The following TMEM131 variants were observed in gnomAD, a reference collection of about 807,000 sequenced individuals.
TMEM131 encodes the protein transmembrane protein 131.
Under a neutral mutation model 211.6 loss-of-function variants are expected in TMEM131, and 66 were observed. The observed-to-expected ratio is 0.31, with a 90% CI of 0.26 to 0.38. The LOEUF (loss-of-function observed/expected upper bound fraction) is 0.38. TMEM131 is among the 10% of genes least tolerant of loss of function. The pLI, the probability that TMEM131 is intolerant of heterozygous loss-of-function variation, is 1.00. For synonymous variants in TMEM131, 844 were observed against 841.3 expected, an observed-to-expected ratio of 1.00 and a Z score of -0.06; for missense variants, 2,036 against 2,299.3, an observed-to-expected ratio of 0.89 and a Z score of 2.34.
intron 8 of TMEM131, among the ~76,000 whole-genome samples, chr2:97,836,080 C>T (rs543858669): frequency 6.6e-6 from 1 of 152,228 alleles, no homozygotes; most frequent in Admixed American, 6.5e-5. Context: ...GATGATTTTT[C>T]CCTCAAACAC....
intron 26 of TMEM131, 47 bp downstream of exon 26, chr2:97,797,318 C>A (rs2305143): frequency 5.1e-5 from 76 of 1,501,238 alleles, no homozygotes; most frequent in Non-Finnish European, 6.5e-5. Flanking sequence ...GTGAGGACTT[C>A]TAAGTAAGTA....
chr2:97,893,701 T>C (rs921994440), intron 3 of TMEM131, among the ~76,000 whole-genome samples: 2 of 151,508 alleles, frequency 1.3e-5, no homozygotes, highest in Admixed American at 1.3e-4. Flanking sequence ...TTTTGAGAAG[T>C]GTCTGTTCAT....
chr2:97,816,139 G>C (rs899038619), intron 12 of TMEM131, among the ~76,000 whole-genome samples: 2 of 152,072 alleles, frequency 1.3e-5, no homozygotes, highest in African/African-American at 4.8e-5. Context: ...TCAGGAGTTC[G>C]AGACAAACCT....
chr2:97,861,711 C>T (rs1349577053), intron 4 of TMEM131, among the ~76,000 whole-genome samples: 1 of 152,002 alleles, frequency 6.6e-6, no homozygotes, highest in African/African-American at 2.4e-5. Flanking sequence ...GACAACAGAA[C>T]ACTAGGTAGA....
intron 2 of TMEM131, among the ~76,000 whole-genome samples, chr2:97,913,740 T>C (rs1176928693): frequency 6.6e-6 from 1 of 152,224 alleles, no homozygotes; most frequent in Admixed American, 6.5e-5. Flanking sequence ...GCACACGGCA[T>C]GGATGCTTAG....
intron 3 of TMEM131, among the ~76,000 whole-genome samples, chr2:97,891,796 A>G (rs111391837): frequency 6.6e-6 from 1 of 152,096 alleles, no homozygotes; most frequent in African/African-American, 2.4e-5. Context: ...AACACCTACA[A>G]TGTTTGTGGA....
chr2:97,981,313 T>C (rs190023091), intron 1 of TMEM131, among the ~76,000 whole-genome samples: 9 of 152,314 alleles, frequency 5.9e-5, no homozygotes, highest in Non-Finnish European at 1.2e-4. Context: ...CTTATATATA[T>C]GTATTTGTAT....
At position 97,792,546 on chromosome 2, in the gene TMEM131, G is replaced by A. The variant is rs779816743; in HGVS notation, c.3984C>T (p.His1328=). 1 of 1,613,520 alleles carries A rather than the reference G, an allele frequency of 6.2e-7. No individual in the cohort carries two copies. The highest frequency in any genetic ancestry group is 1.3e-5 in the African/African-American group (1 of 75,048). ...PERLSPAPLA[H]PSHPERASSA... is the part of the protein sequence containing the mutation. Reference sequence around the variant, plus strand: ...TGCTGGCACGTTCTGGGTGGGAAGGGTGTGCGAGGGGGGCGGGAGACAGCC... The same window carrying A: ...TGCTGGCACGTTCTGGGTGGGAAGGATGTGCGAGGGGGGCGGGAGACAGCC... Residue 1328 remains histidine, a synonymous_variant, in exon 31 of 41, where the codon CAC becomes CAT. Transcript: ENST00000186436.
chr2:97,797,361 C>G lies in TMEM131; in HGVS notation c.2870+4G>C. On this transcript the variant is annotated splice_donor_region_variant and intron_variant, in intron 26 of 40. Transcript: ENST00000186436. ...TGAACCCACACCTATATCACAGAACCTACCTGACTATGATAAGTGAAGAAA... is the reference window on the plus strand; with the variant it reads ...TGAACCCACACCTATATCACAGAACGTACCTGACTATGATAAGTGAAGAAA... 1.3e-6 allele frequency: 2 copies of G among 1,597,458 alleles called. No individual in the cohort carries two copies. Among genetic ancestry groups the G allele is most frequent in the Non-Finnish European group, 1.7e-6 (2 of 1,173,852 alleles).
At chr2:97,886,158 A>T (rs1371159732) in intron 4 of TMEM131, among the ~76,000 whole-genome samples, 2 of 152,160 alleles carry the variant, frequency 1.3e-5, no homozygotes, top group Non-Finnish European at 2.9e-5. Flanking sequence ...TTTCTTATTC[A>T]AATCATGAAT....
intron 17 of TMEM131, among the ~76,000 whole-genome samples, chr2:97,811,826 G>A (rs1681561750): frequency 6.6e-6 from 1 of 152,190 alleles, no homozygotes; most frequent in Non-Finnish European, 1.5e-5. Flanking sequence ...CTCACAGATT[G>A]TGATTCTAAT....
intron 1 of TMEM131, among the ~76,000 whole-genome samples, chr2:97,992,326 A>C (rs1316389916): frequency 6.6e-6 from 1 of 152,154 alleles, no homozygotes; most frequent in East Asian, 1.9e-4. Flanking sequence ...ATGCTTTGTA[A>C]ATACTTTTGT....
At chr2:97,759,804 A>G in intron 38 of TMEM131, 55 bp from the exon 39 acceptor site, 1 of 1,312,432 alleles carries the variant, frequency 7.6e-7, no homozygotes, top group Non-Finnish European at 1.1e-6. Flanking sequence ...GGTTAGTGCA[A>G]ACGGATCCAT....
chr2:97,963,141 A>G (rs1453008587), intron 1 of TMEM131, among the ~76,000 whole-genome samples: 1 of 152,206 alleles, frequency 6.6e-6, no homozygotes, highest in Non-Finnish European at 1.5e-5. Flanking sequence ...CAAACTAGTG[A>G]ATATTACTGT....
chr2:97,844,793 T>C (rs1483125917), intron 5 of TMEM131, among the ~76,000 whole-genome samples: 6 of 152,158 alleles, frequency 3.9e-5, no homozygotes, highest in African/African-American at 1.2e-4. Context: ...AATGTCACTA[T>C]AGTTAGTAAA....
chr2:97,766,379 T>C lies in TMEM131; in HGVS notation c.4573+99A>G. The C allele has an allele frequency of 3.8e-6, 6 of 1,598,964 alleles. No individual in the cohort carries two copies. The Admixed American group carries it at 8.5e-5, about 23-fold the overall frequency. On this transcript the variant is annotated intron_variant, in intron 34 of 40. Coordinates refer to ENST00000186436, the MANE Select transcript of TMEM131 (RefSeq NM_015348.2). ...CACAGCCTTAGCCTTGCATGACTAATAACTACTGACTGCTTACTGATAATG... is the reference window on the plus strand; with the variant it reads ...CACAGCCTTAGCCTTGCATGACTAACAACTACTGACTGCTTACTGATAATG...
intron 17 of TMEM131, among the ~76,000 whole-genome samples, chr2:97,811,723 C>T (rs1681555985): frequency 6.6e-6 from 1 of 152,244 alleles, no homozygotes; most frequent in Non-Finnish European, 1.5e-5. Context: ...TTTGTCAACA[C>T]TCTCTGTGTA....
intron 4 of TMEM131, among the ~76,000 whole-genome samples, chr2:97,877,519 C>T (rs1401737064): frequency 1.3e-5 from 2 of 151,998 alleles, no homozygotes; most frequent in Admixed American, 6.6e-5. Context: ...TATAGACCAA[C>T]GGAACAGAAG....
At position 97,813,964 on chromosome 2, in the gene TMEM131, T is replaced by C; in HGVS notation, c.1617+7A>G. 1.3e-6 allele frequency: 2 copies of C among 1,571,876 alleles called. No individual in the cohort carries two copies. The highest frequency in any genetic ancestry group is 1.7e-6 in the Non-Finnish European group (2 of 1,157,724). ...GTTTAAATGTTAAAGATGGATAATA[T>C]ACTTACATCTAAAAAGCCTGTGTAT... On this transcript the variant is annotated splice_region_variant and intron_variant, in intron 15 of 40. Transcript: ENST00000186436.
Sources: allele counts gnomAD v4.1 joint callset (sites outside exome capture counted in the v4.1 genomes callset), GRCh38; gene constraint gnomAD v4.1.1; transcripts MANE v1.5; gene names NCBI Gene and HGNC (gene_info 2026-07-23, HGNC 2026-07-21).